The following NEGR1 variants were observed in gnomAD, a reference collection of about 807,000 sequenced individuals.
NEGR1 encodes the protein IgLON family member 4.
In NEGR1, 10 loss-of-function variants were observed where a neutral mutation model predicts 40.9. That is an observed-to-expected ratio of 0.24 (90% CI 0.15 to 0.42). The LOEUF is 0.42. Among genes scored for constraint, NEGR1 ranks in the 10% least tolerant of loss-of-function variants. NEGR1 has a pLI of 1.00. For missense variants in NEGR1, 352 were observed against 438.9 expected (o/e 0.80, Z 1.77); for synonymous variants, 185 against 166.8 (o/e 1.11, Z -0.84).
intron 2 of NEGR1, among the ~76,000 whole-genome samples, chr1:71,875,600 G>T (rs569490717): frequency 6.6e-6 from 1 of 152,214 alleles, no homozygotes; most frequent in South Asian, 2.1e-4. Context: ...GTGCAGATAC[G>T]GGCTAGATTT....
At chr1:71,975,704 G>A (rs193040173) in intron 1 of NEGR1, among the ~76,000 whole-genome samples, 71 of 152,278 alleles carry the variant, frequency 4.7e-4, no homozygotes, top group African/African-American at 1.6e-3. Context: ...ACTGAGCTGA[G>A]TCCTAGCTGC....
At chr1:71,470,225 CT>C (rs36056705) in intron 6 of NEGR1, among the ~76,000 whole-genome samples, 4 of 151,390 alleles carry the variant, frequency 2.6e-5, no homozygotes, top group African/African-American at 4.9e-5. Flanking sequence ...CAGACCCTAT[CT>C]TTTTTTTTCC....
chr1:71,482,185 C>T (rs892084368), intron 6 of NEGR1, among the ~76,000 whole-genome samples: 1 of 151,810 alleles, frequency 6.6e-6, no homozygotes, highest in Non-Finnish European at 1.5e-5. Flanking sequence ...AAGACAGAAA[C>T]AAAACCCACA....
intron 1 of NEGR1, among the ~76,000 whole-genome samples, chr1:72,123,109 C>T (rs1031551921): frequency 4.0e-5 from 6 of 151,744 alleles, no homozygotes; most frequent in Non-Finnish European, 8.8e-5. Context: ...GTTTCTTAAG[C>T]GAATAAGAAT....
chr1:71,419,785 A>G (rs1646381558), intron 6 of NEGR1, among the ~76,000 whole-genome samples: 2 of 152,116 alleles, frequency 1.3e-5, no homozygotes, highest in Admixed American at 6.6e-5. Context: ...ATTGCTGCCT[A>G]AGATTATCCA....
At chr1:72,078,635 A>T (rs530553994) in intron 1 of NEGR1, among the ~76,000 whole-genome samples, 138 of 147,192 alleles carry the variant, frequency 9.4e-4, no homozygotes, top group African/African-American at 3.0e-3. Flanking sequence ...ATATATATAT[A>T]TATTTATTTA....
intron 2 of NEGR1, among the ~76,000 whole-genome samples, chr1:71,805,761 G>A (rs141055440): frequency 6.6e-6 from 1 of 152,244 alleles, no homozygotes; most frequent in African/African-American, 2.4e-5. Flanking sequence ...AAATGCATGT[G>A]CACCTGGTTT....
chr1:72,038,589 G>A (rs887536469), intron 1 of NEGR1, among the ~76,000 whole-genome samples: 4 of 151,828 alleles, frequency 2.6e-5, no homozygotes, highest in Non-Finnish European at 5.9e-5. Context: ...AAACATCAGC[G>A]TACAAAGATA....
chr1:71,898,828 A>G (rs1344140830), intron 2 of NEGR1, among the ~76,000 whole-genome samples: 3 of 148,532 alleles, frequency 2.0e-5, no homozygotes, highest in Admixed American at 6.8e-5. Context: ...TTACATATAT[A>G]TAAAAGAAAA....
intron 2 of NEGR1, among the ~76,000 whole-genome samples, chr1:71,846,094 C>A (rs1275871588): frequency 6.6e-6 from 1 of 151,846 alleles, no homozygotes; most frequent in Non-Finnish European, 1.5e-5. Context: ...GTGGTCTGAC[C>A]CCAGGGCCTC....
chr1:72,103,549 C>T (rs527951469), intron 1 of NEGR1, among the ~76,000 whole-genome samples: 6 of 152,116 alleles, frequency 3.9e-5, no homozygotes, highest in African/African-American at 1.4e-4. Flanking sequence ...TTATGTCACC[C>T]TCTCAATTCA....
chr1:71,436,870 T>C (rs1646512870), intron 6 of NEGR1, among the ~76,000 whole-genome samples: 1 of 152,180 alleles, frequency 6.6e-6, no homozygotes, highest in Non-Finnish European at 1.5e-5. Context: ...ACAATACATA[T>C]ATAAAGTATG....
intron 1 of NEGR1, among the ~76,000 whole-genome samples, chr1:72,026,395 G>C (rs997405677): frequency 2.0e-5 from 3 of 150,134 alleles, no homozygotes; most frequent in Non-Finnish European, 4.4e-5. Context: ...TTCTCCAAAG[G>C]AGTTGGAGTC....
At chr1:71,715,457 G>A (rs1654241707) in intron 3 of NEGR1, among the ~76,000 whole-genome samples, 1 of 152,108 alleles carries the variant, frequency 6.6e-6, no homozygotes, top group African/African-American at 2.4e-5. Context: ...ATATTATAAG[G>A]CTTCAAATTT....
At chr1:71,466,576 G>C (rs1250192023) in intron 6 of NEGR1, among the ~76,000 whole-genome samples, 1 of 152,006 alleles carries the variant, frequency 6.6e-6, no homozygotes, top group Non-Finnish European at 1.5e-5. Flanking sequence ...ATACATGCCT[G>C]GTCAGAGTAG....
chr1:71,993,749 A>C (rs1243504822), intron 1 of NEGR1, among the ~76,000 whole-genome samples: 1 of 152,196 alleles, frequency 6.6e-6, no homozygotes. Flanking sequence ...TAGATGAATA[A>C]ATTAAACTAA....
At chr1:72,137,235 C>A (rs1650501139) in intron 1 of NEGR1, among the ~76,000 whole-genome samples, 1 of 152,076 alleles carries the variant, frequency 6.6e-6, no homozygotes, top group Non-Finnish European at 1.5e-5. Flanking sequence ...ACCCAGCAAT[C>A]CCATTACTGG....
chr1:71,969,241 C>A (rs1045341857), intron 1 of NEGR1, among the ~76,000 whole-genome samples: 76 of 152,250 alleles, frequency 5.0e-4, no homozygotes, highest in African/African-American at 1.7e-3. Flanking sequence ...TCTCGAACAC[C>A]TGATCTCAGG....
chr1:71,664,476 C>T (rs1442304030), intron 4 of NEGR1, among the ~76,000 whole-genome samples: 1 of 152,080 alleles, frequency 6.6e-6, no homozygotes, highest in Non-Finnish European at 1.5e-5. Flanking sequence ...CATGGCCTCC[C>T]TCTCCTGACC....
Sources: allele counts gnomAD v4.1 joint callset (sites outside exome capture counted in the v4.1 genomes callset), GRCh38; gene constraint gnomAD v4.1.1; transcripts MANE v1.5; gene names NCBI Gene and HGNC (gene_info 2026-07-23, HGNC 2026-07-21).